The following KCNIP4 variants were observed in gnomAD, a reference collection of about 807,000 sequenced individuals.
KCNIP4 encodes potassium voltage-gated channel interacting protein 4, also known as Kv channel-interacting protein 4.
A neutral mutation model predicts 34.0 loss-of-function variants in KCNIP4; 12 were observed. That is an observed-to-expected ratio of 0.35 (90% confidence interval 0.23 to 0.57). The LOEUF is 0.57. Among genes scored for constraint, KCNIP4 ranks in the 20% least tolerant of loss-of-function variants. KCNIP4 has a pLI of 0.83. For missense variants in KCNIP4, 238 were observed against 311.7 expected (o/e 0.76, Z 1.78); for synonymous variants, 124 against 102.2 (o/e 1.21, Z -1.29).
intron 1 of KCNIP4, among the ~76,000 whole-genome samples, chr4:21,431,751 CA>C (rs1344049249): frequency 6.6e-6 from 1 of 151,380 alleles, no homozygotes; most frequent in Admixed American, 6.6e-5. Flanking sequence ...GACATATAGC[CA>C]ATGGATTACA....
intron 1 of KCNIP4, among the ~76,000 whole-genome samples, chr4:21,436,641 C>T (rs566636347): frequency 2.0e-5 from 3 of 152,142 alleles, no homozygotes; most frequent in Non-Finnish European, 2.9e-5. Context: ...GTCTGTGTAA[C>T]TTTGAGCAAG....
At chr4:21,805,009 G>C (rs1223053756) in intron 1 of KCNIP4, among the ~76,000 whole-genome samples, 3 of 152,148 alleles carry the variant, frequency 2.0e-5, no homozygotes, top group Non-Finnish European at 2.9e-5. Context: ...TCCTTCACTG[G>C]TTTAAGAGGT....
intron 1 of KCNIP4, among the ~76,000 whole-genome samples, chr4:21,602,436 A>G (rs1743260509): frequency 6.6e-6 from 1 of 152,138 alleles, no homozygotes; most frequent in Non-Finnish European, 1.5e-5. Context: ...TGCTGCCCAT[A>G]CCAGAGTGTA....
At chr4:21,619,821 A>G (rs1744883348) in intron 1 of KCNIP4, among the ~76,000 whole-genome samples, 1 of 152,234 alleles carries the variant, frequency 6.6e-6, no homozygotes, top group Non-Finnish European at 1.5e-5. Flanking sequence ...AAGATGCAGA[A>G]GGCAAAAACT....
chr4:20,813,539 G>C (rs1378495133), intron 3 of KCNIP4, among the ~76,000 whole-genome samples: 1 of 152,092 alleles, frequency 6.6e-6, no homozygotes. Context: ...TTTTGTGAGG[G>C]TAAAATGGGA....
At chr4:20,997,422 A>C (rs145010203) in intron 1 of KCNIP4, among the ~76,000 whole-genome samples, 341 of 152,316 alleles carry the variant, frequency 2.2e-3, no homozygotes, top group African/African-American at 7.8e-3. Flanking sequence ...AGGAGGTATC[A>C]AAGGTGATCT....
chr4:21,376,306 C>G (rs1257642012), intron 1 of KCNIP4, among the ~76,000 whole-genome samples: 1 of 152,102 alleles, frequency 6.6e-6, no homozygotes, highest in African/African-American at 2.4e-5. Context: ...CCATTTACTC[C>G]CTTCAAGATA....
chr4:21,788,368 C>T (rs1720048442), intron 1 of KCNIP4, among the ~76,000 whole-genome samples: 1 of 152,102 alleles, frequency 6.6e-6, no homozygotes, highest in Admixed American at 6.5e-5. Context: ...AAATGGTGCA[C>T]AAGTTTCAGC....
At chr4:20,946,310 A>G (rs903678589) in intron 1 of KCNIP4, among the ~76,000 whole-genome samples, 1 of 152,218 alleles carries the variant, frequency 6.6e-6, no homozygotes, top group African/African-American at 2.4e-5. Context: ...AGAAGAAGCC[A>G]TGTGTAGATA....
chr4:21,403,381 A>G (rs543993538), intron 1 of KCNIP4, among the ~76,000 whole-genome samples: 1 of 152,262 alleles, frequency 6.6e-6, no homozygotes, highest in African/African-American at 2.4e-5. Flanking sequence ...TCTCACTTCC[A>G]TACAATTGAA....
chr4:21,639,483 C>G (rs1227864865), intron 1 of KCNIP4, among the ~76,000 whole-genome samples: 1 of 152,114 alleles, frequency 6.6e-6, no homozygotes, highest in Non-Finnish European at 1.5e-5. Flanking sequence ...CATCAAATGT[C>G]TTTTATATTG....
At chr4:21,723,002 C>G (rs1714930271) in intron 1 of KCNIP4, among the ~76,000 whole-genome samples, 1 of 152,040 alleles carries the variant, frequency 6.6e-6, no homozygotes, top group Admixed American at 6.6e-5. Flanking sequence ...ACAGAAGTTC[C>G]ATAAGGATTC....
At chr4:21,402,592 C>T (rs1461512993) in intron 1 of KCNIP4, among the ~76,000 whole-genome samples, 1 of 152,148 alleles carries the variant, frequency 6.6e-6, no homozygotes, top group Non-Finnish European at 1.5e-5. Flanking sequence ...TTGCTCTTGC[C>T]CTTTACTGCT....
chr4:21,131,310 T>C (rs1751051110), intron 1 of KCNIP4, among the ~76,000 whole-genome samples: 1 of 152,184 alleles, frequency 6.6e-6, no homozygotes. Flanking sequence ...AAGTACACTA[T>C]TGTATGTTAT....
intron 5 of KCNIP4, among the ~76,000 whole-genome samples, chr4:20,741,289 C>T (rs1353266812): frequency 1.3e-5 from 2 of 152,034 alleles, no homozygotes; most frequent in Non-Finnish European, 2.9e-5. Flanking sequence ...CACTACGTCA[C>T]ACTTATTCCA....
chr4:21,689,449 G>A (rs1751079927), intron 1 of KCNIP4, among the ~76,000 whole-genome samples: 2 of 151,888 alleles, frequency 1.3e-5, no homozygotes, highest in African/African-American at 2.4e-5. Flanking sequence ...TCATCTAATT[G>A]GTCTTCCCAA....
intron 1 of KCNIP4, among the ~76,000 whole-genome samples, chr4:21,535,591 G>C (rs945735898): frequency 1.3e-5 from 2 of 151,958 alleles, no homozygotes; most frequent in Non-Finnish European, 2.9e-5. Context: ...TTTGATTTGC[G>C]GCATTTCAGA....
chr4:21,289,424 C>T (rs1414000800), intron 1 of KCNIP4, among the ~76,000 whole-genome samples: 1 of 152,242 alleles, frequency 6.6e-6, no homozygotes, highest in South Asian at 2.1e-4. Context: ...TACTCATTAA[C>T]TATCCCATAG....
chr4:21,056,640 T>C (rs1429977850), intron 1 of KCNIP4, among the ~76,000 whole-genome samples: 1 of 152,160 alleles, frequency 6.6e-6, no homozygotes, highest in African/African-American at 2.4e-5. Context: ...ACTCTTTCCA[T>C]GCTTTGTAAC....
Sources: allele counts gnomAD v4.1 joint callset (sites outside exome capture counted in the v4.1 genomes callset), GRCh38; gene constraint gnomAD v4.1.1; transcripts MANE v1.5; gene names NCBI Gene and HGNC (gene_info 2026-07-23, HGNC 2026-07-21).